The following ME1 variants were observed in gnomAD, a reference collection of about 807,000 sequenced individuals.
The protein encoded by ME1 is NADP-dependent malic enzyme.
Under a neutral mutation model 66.4 loss-of-function variants are expected in ME1, and 74 were observed. The observed-to-expected ratio is 1.11, with a 90% CI of 0.92 to 1.35. The LOEUF (loss-of-function observed/expected upper bound fraction) is 1.35. Ranked by LOEUF, ME1 falls within the 40% of genes most tolerant of loss-of-function variation. ME1 has a pLI of 0.00. For synonymous variants in ME1, 251 were observed against 235.6 expected (o/e 1.07, Z -0.60); for missense variants, 750 against 694.1 (o/e 1.08, Z -0.90).
At chr6:83,317,441 T>G (rs1768056547) in intron 5 of ME1, among the ~76,000 whole-genome samples, 1 of 151,780 alleles carries the variant, frequency 6.6e-6, no homozygotes, top group East Asian at 1.9e-4. Context: ...GAATGGGAGT[T>G]CACTCATGAT....
At chr6:83,400,971 T>C (rs926786016) in intron 2 of ME1, among the ~76,000 whole-genome samples, 13 of 152,128 alleles carry the variant, frequency 8.5e-5, no homozygotes, top group South Asian at 2.1e-4. Flanking sequence ...CACCTTTGAT[T>C]ATTTGCTCAA....
intron 6 of ME1, among the ~76,000 whole-genome samples, chr6:83,287,837 A>T (rs762543181): frequency 6.6e-6 from 1 of 152,122 alleles, no homozygotes; most frequent in Non-Finnish European, 1.5e-5. Context: ...CTTTCTAATG[A>T]TTGCCTTTCT....
At chr6:83,331,464 G>A (rs972351231) in intron 5 of ME1, among the ~76,000 whole-genome samples, 1 of 151,818 alleles carries the variant, frequency 6.6e-6, no homozygotes, top group African/African-American at 2.4e-5. Flanking sequence ...GTGGGCGCCT[G>A]TAATCCCAGC....
chr6:83,247,997 G>T (rs1431646337), intron 7 of ME1, among the ~76,000 whole-genome samples: 2 of 152,080 alleles, frequency 1.3e-5, no homozygotes, highest in South Asian at 2.1e-4. Flanking sequence ...TGCTTGGGGG[G>T]CATATTATGC....
At chr6:83,274,668 G>C (rs1034325166) in intron 6 of ME1, among the ~76,000 whole-genome samples, 1 of 152,086 alleles carries the variant, frequency 6.6e-6, no homozygotes, top group Non-Finnish European at 1.5e-5. Context: ...CAGAGTATAA[G>C]ACATATATTG....
At chr6:83,377,591 A>C (rs994426136) in intron 3 of ME1, among the ~76,000 whole-genome samples, 3 of 152,112 alleles carry the variant, frequency 2.0e-5, no homozygotes, top group Non-Finnish European at 4.4e-5. Context: ...ACTGGCAATC[A>C]AAATAACTTA....
intron 11 of ME1, 40 bp downstream of exon 11, chr6:83,227,295 A>G: frequency 2.9e-6 from 4 of 1,397,288 alleles, no homozygotes; most frequent in Non-Finnish European, 2.8e-6. Context: ...TAATGAATAA[A>G]AATTTGATTA....
chr6:83,326,047 A>C (rs961477675), intron 5 of ME1, among the ~76,000 whole-genome samples: 6 of 152,154 alleles, frequency 3.9e-5, no homozygotes, highest in African/African-American at 1.4e-4. Context: ...TGGAACCAAA[A>C]CAGATATATA....
chr6:83,379,980 G>C (rs958015558), intron 3 of ME1, among the ~76,000 whole-genome samples: 5 of 152,236 alleles, frequency 3.3e-5, no homozygotes, highest in Admixed American at 6.5e-5. Context: ...CATTTAGTAA[G>C]AAGAAATGGA....
intron 6 of ME1, among the ~76,000 whole-genome samples, chr6:83,275,061 C>G (rs1767151421): frequency 6.6e-6 from 1 of 152,136 alleles, no homozygotes; most frequent in African/African-American, 2.4e-5. Context: ...AGGCTGGGCT[C>G]AGTGGCTTAC....
At position 83,382,140 on chromosome 6, in the gene ME1, C is replaced by A. The variant is rs1583409890; in HGVS notation, c.362+16227G>T. Among the ~76,000 whole-genome samples, 5 of 152,028 alleles carry A rather than the reference C, an allele frequency of 3.3e-5. No homozygotes were observed. In the South Asian group the frequency reaches 1.0e-3, roughly 31 times the overall value. On this transcript the variant is annotated intron_variant, in intron 3 of 13. Coordinates refer to ENST00000369705, the MANE Select transcript of ME1 (RefSeq NM_002395.6). ...CCCTAACTATACTGTGAAAGGAAAT[C>A]CCCTGTTATTGTTTATCATTGTCCT...
rs532527262 is a variant in ME1, at chr6:83,239,989, T to C, written c.815-353A>G. 9.2e-5 allele frequency among the ~76,000 whole-genome samples: 14 copies of C among 152,166 alleles called. No homozygotes were observed. In the East Asian group the frequency reaches 1.7e-3, roughly 19 times the overall value. Reference sequence around the variant, plus strand: ...GAAATTATTGTGTACATCAAATAGATAGTTTCCTCATCTGTAAAGTAGTTT... The same window carrying C: ...GAAATTATTGTGTACATCAAATAGACAGTTTCCTCATCTGTAAAGTAGTTT... On this transcript the variant is annotated intron_variant, in intron 7 of 13. Transcript: ENST00000369705.
intron 1 of ME1, among the ~76,000 whole-genome samples, chr6:83,421,382 TAAC>T (rs1583428222): frequency 6.6e-6 from 1 of 152,180 alleles, no homozygotes; most frequent in South Asian, 2.1e-4. Flanking sequence ...ACCTTAAAAA[TAAC>T]AACCTGAGGG....
At chr6:83,429,590 T>G (rs1770442754) in intron 1 of ME1, among the ~76,000 whole-genome samples, 1 of 152,156 alleles carries the variant, frequency 6.6e-6, no homozygotes, top group African/African-American at 2.4e-5. Context: ...GCAATTAAAT[T>G]TATTTTAAAG....
chr6:83,325,597 A>G (rs1278333969), intron 5 of ME1, among the ~76,000 whole-genome samples: 1 of 152,196 alleles, frequency 6.6e-6, no homozygotes, highest in Non-Finnish European at 1.5e-5. Context: ...CCAAATCATG[A>G]GTGAACTCCC....
At chr6:83,294,046 G>A (rs2128535372) in intron 6 of ME1, among the ~76,000 whole-genome samples, 1 of 152,238 alleles carries the variant, frequency 6.6e-6, no homozygotes, top group African/African-American at 2.4e-5. Context: ...TCAACTATTT[G>A]TAACCAGAAA....
At chr6:83,304,965 G>C (rs1268759247) in intron 6 of ME1, among the ~76,000 whole-genome samples, 2 of 152,120 alleles carry the variant, frequency 1.3e-5, no homozygotes, top group Admixed American at 6.6e-5. Flanking sequence ...CTAATTCCTT[G>C]AGGGATAATC....
At chr6:83,324,865 A>T (rs944144202) in intron 5 of ME1, among the ~76,000 whole-genome samples, 2 of 152,176 alleles carry the variant, frequency 1.3e-5, no homozygotes, top group East Asian at 3.9e-4. Flanking sequence ...AACTCATTTT[A>T]TCACATCAGC....
chr6:83,250,427 T>C (rs956641086), intron 7 of ME1, among the ~76,000 whole-genome samples: 1 of 152,184 alleles, frequency 6.6e-6, no homozygotes, highest in African/African-American at 2.4e-5. Context: ...TCAAAGTCCA[T>C]AGCTAGTAAA....
Sources: allele counts gnomAD v4.1 joint callset (sites outside exome capture counted in the v4.1 genomes callset), GRCh38; gene constraint gnomAD v4.1.1; transcripts MANE v1.5; gene names NCBI Gene and HGNC (gene_info 2026-07-23, HGNC 2026-07-21).